Variants in NXPE2 observed in about 807,000 individuals in gnomAD.
The protein encoded by NXPE2 is neurexophilin and PC-esterase domain family member 2, also known as NXPE family member 2.
In NXPE2, 34 loss-of-function variants were observed where a neutral mutation model predicts 34.4. The observed-to-expected ratio is 0.99, with a 90% CI of 0.75 to 1.31. NXPE2 has a LOEUF of 1.31. NXPE2 is among the 40% of genes most tolerant of loss of function. The probability of loss-of-function intolerance (pLI) is 0.00; values close to 1 mark genes in which losing one functional copy is unlikely to be tolerated. For synonymous variants in NXPE2, 235 were observed against 231.3 expected (o/e 1.02, Z -0.15); for missense variants, 649 against 672.5 (o/e 0.97, Z 0.39).
chr11:114,524,400 A>G, the NXPE2 span, among the ~76,000 whole-genome samples: 1 of 152,220 alleles, frequency 6.6e-6, no homozygotes, highest in Non-Finnish European at 1.5e-5. Context: ...TCCACAGAAT[A>G]GTGCATCATT....
At chr11:114,580,774 TA>T in the NXPE2 span, among the ~76,000 whole-genome samples, 1 of 152,144 alleles carries the variant, frequency 6.6e-6, no homozygotes, top group East Asian at 1.9e-4. Flanking sequence ...AAAGGTGATA[TA>T]AAAAATATTA....
chr11:114,752,172 C>G, the NXPE2 span, among the ~76,000 whole-genome samples: 1 of 152,316 alleles, frequency 6.6e-6, no homozygotes, highest in African/African-American at 2.4e-5. Flanking sequence ...CAGGGAAGAA[C>G]TTCCTGGGCA....
intron 1 of NXPE2, 73 bp from the exon 2 acceptor site, chr11:114,679,584 G>A: frequency 1.2e-6 from 1 of 869,192 alleles, no homozygotes. Flanking sequence ...TTACTGAAGA[G>A]GAACCAAAGT....
the NXPE2 span, among the ~76,000 whole-genome samples, chr11:114,622,827 C>T: frequency 2.6e-5 from 4 of 151,998 alleles, no homozygotes; most frequent in Admixed American, 2.0e-4. Context: ...CCACTCTTAC[C>T]CAGTGGATAG....
the NXPE2 span, chr11:114,554,104 C>G: frequency 4.1e-6 from 4 of 985,328 alleles, no homozygotes; most frequent in African/African-American, 7.0e-5. Flanking sequence ...TCACTTGTCT[C>G]CTCTCCTTAT....
the NXPE2 span, among the ~76,000 whole-genome samples, chr11:114,507,843 T>C: frequency 1.3e-5 from 2 of 152,090 alleles, no homozygotes; most frequent in African/African-American, 4.8e-5. Flanking sequence ...AAGACAAGGA[T>C]GCCCTCTCTC....
the NXPE2 span, among the ~76,000 whole-genome samples, chr11:114,501,898 C>T: frequency 7.4e-4 from 112 of 152,286 alleles, no homozygotes; most frequent in African/African-American, 2.6e-3. Context: ...GGACATTTTG[C>T]TTTGGGAAAT....
chr11:114,630,959 C>T, the NXPE2 span, among the ~76,000 whole-genome samples: 1 of 150,964 alleles, frequency 6.6e-6, no homozygotes, highest in Non-Finnish European at 1.5e-5. Context: ...AAATGCAAAT[C>T]AAAACCACAA....
At chr11:114,735,409 G>T in the NXPE2 span, among the ~76,000 whole-genome samples, 1 of 151,976 alleles carries the variant, frequency 6.6e-6, no homozygotes. Flanking sequence ...AATAAACCAG[G>T]TTTAGATCTC....
At chr11:114,615,565 G>T in the NXPE2 span, among the ~76,000 whole-genome samples, 1 of 151,806 alleles carries the variant, frequency 6.6e-6, no homozygotes, top group Non-Finnish European at 1.5e-5. Context: ...TGCTTCGTGG[G>T]TAACCACCTT....
At chr11:114,783,099 G>A in the NXPE2 span, among the ~76,000 whole-genome samples, 15 of 152,172 alleles carry the variant, frequency 9.9e-5, no homozygotes, top group Non-Finnish European at 1.6e-4. Context: ...AGTCCAAAAC[G>A]ACAATGGGCT....
chr11:114,802,561 G>C, the NXPE2 span, among the ~76,000 whole-genome samples: 1 of 152,196 alleles, frequency 6.6e-6, no homozygotes, highest in African/African-American at 2.4e-5. Context: ...TTTCTTATTA[G>C]AGGAAAGTAG....
chr11:114,679,422 G>A (rs78855277), intron 1 of NXPE2, among the ~76,000 whole-genome samples: 4 of 151,878 alleles, frequency 2.6e-5, no homozygotes, highest in Admixed American at 6.6e-5. Context: ...GATATGATTC[G>A]AAACCCAAAG....
chr11:114,769,024 C>T, the NXPE2 span, among the ~76,000 whole-genome samples: 1 of 151,972 alleles, frequency 6.6e-6, no homozygotes, highest in African/African-American at 2.4e-5. Flanking sequence ...GAACAGGCAA[C>T]CTACAGAACG....
At chr11:114,702,397 C>T (rs1440655932) in intron 3 of NXPE2, among the ~76,000 whole-genome samples, 2 of 152,078 alleles carry the variant, frequency 1.3e-5, no homozygotes, top group South Asian at 2.1e-4. Context: ...TTTTGTTATC[C>T]TCAGCCTTAC....
chr11:114,704,925 A>G (rs538676909), intron 4 of NXPE2, among the ~76,000 whole-genome samples: 31 of 152,282 alleles, frequency 2.0e-4, no homozygotes, highest in African/African-American at 7.2e-4. Context: ...ATTTCTAGTA[A>G]AGTCAGGCAG....
chr11:114,785,618 A>G, the NXPE2 span, among the ~76,000 whole-genome samples: 8 of 152,150 alleles, frequency 5.3e-5, no homozygotes, highest in Admixed American at 2.0e-4. Flanking sequence ...AAGTGATCCA[A>G]TGAATTGAGA....
At chr11:114,570,629 C>CA in the NXPE2 span, 1 of 199,176 alleles carries the variant, frequency 5.0e-6, no homozygotes, top group Non-Finnish European at 1.0e-5. Context: ...TACTTTATCA[C>CA]TCTGAGTTTT....
chr11:114,581,695 G>T, the NXPE2 span: 4 of 1,567,542 alleles, frequency 2.6e-6, no homozygotes, highest in Non-Finnish European at 3.5e-6. Context: ...CTAGAACTAG[G>T]CACCACCCAC....
Sources: gnomAD v4.1 joint callset for allele counts (sites outside exome capture counted in the v4.1 genomes callset) on GRCh38, gnomAD v4.1.1 for gene constraint, MANE v1.5 for transcripts, NCBI Gene and HGNC (gene_info 2026-07-23, HGNC 2026-07-21) for gene names.